RGPD4: variants seen among roughly 807,000 people sequenced by gnomAD.
The protein encoded by RGPD4 is RANBP2 like and GRIP domain containing 4.
RGPD4 carries 84 observed loss-of-function variants against 141.1 expected under a neutral mutation model. The observed-to-expected ratio is 0.60, with a 90% CI of 0.50 to 0.71. The LOEUF (loss-of-function observed/expected upper bound fraction) is 0.71. Ranked by LOEUF, RGPD4 falls within the 30% of genes least tolerant of loss-of-function variation. RGPD4 has a pLI of 0.00. For missense variants in RGPD4, 918 were observed against 1,622.4 expected, an observed-to-expected ratio of 0.57 and a Z score of 7.46; for synonymous variants, 298 against 566.8, an observed-to-expected ratio of 0.53 and a Z score of 6.74.
At chr2:107,830,128 C>T (rs1177923058) in intron 1 of RGPD4, among the ~76,000 whole-genome samples, 1 of 151,960 alleles carries the variant, frequency 6.6e-6, no homozygotes. Context: ...TCATACTCAC[C>T]TCCCTCGCCC....
At chr2:107,884,964 A>G (rs980353566) in intron 22 of RGPD4, among the ~76,000 whole-genome samples, 1 of 151,614 alleles carries the variant, frequency 6.6e-6, no homozygotes, top group African/African-American at 2.4e-5. Flanking sequence ...AGTAGTATTG[A>G]TAGTTTCTTT....
At chr2:107,889,056 C>A (rs1191757985) in intron 22 of RGPD4, among the ~76,000 whole-genome samples, 7 of 149,736 alleles carry the variant, frequency 4.7e-5, no homozygotes, top group African/African-American at 1.8e-4. Context: ...GACTTTAACT[C>A]TAGAAAGTTT....
rs540347801 is a variant in RGPD4, at chr2:107,882,766, T to A, written c.5159T>A (p.Phe1720Tyr). 85 of 1,611,518 alleles carry A rather than the reference T, an allele frequency of 5.3e-5. No individual in the cohort carries two copies. Among genetic ancestry groups the A allele is most frequent in the Non-Finnish European group, 6.7e-5 (79 of 1,179,842 alleles). ...CACTTGAAGAACGTCTTGCTGCAGT[T>A]CATTTTCTTGAAGCCAGGTAGTGAA... ...VEHLKNVLLQ[F>Y]IFLKPGSERE... Residue 1720 changes from phenylalanine to tyrosine, a missense_variant, in exon 22 of 23, where the codon TTC becomes TAC. Transcript: ENST00000408999.
intron 22 of RGPD4, among the ~76,000 whole-genome samples, chr2:107,883,854 C>G (rs1675436881): frequency 6.6e-6 from 1 of 152,138 alleles, no homozygotes; most frequent in Non-Finnish European, 1.5e-5. Flanking sequence ...GCTATAATCT[C>G]TCTTGAGTTG....
At position 107,872,799 on chromosome 2, in the gene RGPD4, C is replaced by A. The variant is rs763115909; in HGVS notation, c.4795C>A (p.Pro1599Thr). The stretch of plus-strand genomic sequence containing the variant: ...GAGTGGATCTGAAAGCAAAGTGGAA[C>A]CTAAAAAATGTGAACTGTCAAAGAA... ...AQSGSESKVE[P>T]KKCELSKNSD... The change falls in exon 20 of 23, where the codon CCT (proline) becomes ACT (threonine). Residue 1599 changes from proline (P) to threonine (T), a missense_variant. By Grantham distance (38) the Pro-to-Thr change is conservative (BLOSUM62 -1). Transcript: ENST00000408999. 3.5e-5 allele frequency: 57 copies of A among 1,610,316 alleles called. No individual in the cohort carries two copies. In the Admixed American group the frequency reaches 4.8e-4, roughly 14 times the overall value.
intron 6 of RGPD4, among the ~76,000 whole-genome samples, chr2:107,844,704 G>A (rs1681853223): frequency 2.4e-5 from 3 of 126,400 alleles, no homozygotes; most frequent in South Asian, 5.9e-4. Context: ...AAAACATGTA[G>A]GATGTTTTAT....
intron 20 of RGPD4, among the ~76,000 whole-genome samples, chr2:107,874,847 C>G (rs967023151): frequency 1.3e-5 from 2 of 151,594 alleles, no homozygotes; most frequent in African/African-American, 4.9e-5. Flanking sequence ...GAACAAGAAT[C>G]TGTATCTTAC....
At chr2:107,890,548 C>CAAA (rs1210623696) in intron 22 of RGPD4, among the ~76,000 whole-genome samples, 173 bp from the exon 23 acceptor site, 43 of 16,280 alleles carry the variant, frequency 2.6e-3, no homozygotes, top group African/African-American at 3.8e-3. Context: ...GACCCTGTCT[C>CAAA]AAAAAAAAAA....
intron 22 of RGPD4, among the ~76,000 whole-genome samples, chr2:107,889,928 T>C (rs1471143728): frequency 6.6e-6 from 1 of 151,604 alleles, no homozygotes; most frequent in Non-Finnish European, 1.5e-5. Context: ...GTGCTGGAAA[T>C]TTTATTTTGG....
chr2:107,830,882 T>C lies in RGPD4; in HGVS notation c.72+3797T>C, dbSNP rs2919217. Among the ~76,000 whole-genome samples, 319 of 132,616 alleles carry C rather than the reference T, an allele frequency of 2.4e-3. 1 individual carries two copies. The highest frequency in any genetic ancestry group is 7.2e-3 in the South Asian group (28 of 3,886). The allele number at this position is 132,616 out of a possible 152,430, so 87.0% of individuals were successfully genotyped here. On this transcript the variant is annotated intron_variant, in intron 1 of 22. Coordinates refer to ENST00000408999, the MANE Select transcript of RGPD4 (RefSeq NM_182588.3). Reference sequence around the variant, plus strand: ...CCATTGTGCTTTCATTTGTTAGTCTTCTCTTGTTTTGCCATTTTTCTACTC... The same window carrying C: ...CCATTGTGCTTTCATTTGTTAGTCTCCTCTTGTTTTGCCATTTTTCTACTC...
chr2:107,886,134 G>A (rs1172464830), intron 22 of RGPD4, among the ~76,000 whole-genome samples: 3 of 139,168 alleles, frequency 2.2e-5, no homozygotes, highest in African/African-American at 8.1e-5. Context: ...CAAAAAACAA[G>A]AGTGGGAAAA....
intron 1 of RGPD4, among the ~76,000 whole-genome samples, chr2:107,833,316 C>T (rs1681560115): frequency 6.6e-6 from 1 of 152,140 alleles, no homozygotes; most frequent in Non-Finnish European, 1.5e-5. Context: ...ATTACAATTA[C>T]ATCTCTATCT....
chr2:107,834,514 C>G (rs1218104225), intron 1 of RGPD4, among the ~76,000 whole-genome samples: 1 of 152,164 alleles, frequency 6.6e-6, no homozygotes, highest in African/African-American at 2.4e-5. Context: ...CATATTCATG[C>G]TGTATGTGCT....
chr2:107,846,815 A>T (rs1681967747), intron 6 of RGPD4, among the ~76,000 whole-genome samples: 2 of 151,688 alleles, frequency 1.3e-5, no homozygotes, highest in African/African-American at 2.4e-5. Flanking sequence ...ACAGCAAAAA[A>T]GTAGTCAGAA....
chr2:107,883,120 G>A (rs1396616078), intron 22 of RGPD4: 1 of 646,298 alleles, frequency 1.5e-6, no homozygotes, highest in Non-Finnish European at 2.8e-6. Flanking sequence ...CTAGCTCTTT[G>A]AAAATTGGAT....
chr2:107,875,934 A>ATAGTTAGGCAAC (rs1250189230), intron 20 of RGPD4, among the ~76,000 whole-genome samples: 1 of 145,394 alleles, frequency 6.9e-6, no homozygotes, highest in African/African-American at 2.6e-5. Context: ...TATGCTAAGT[A>ATAGTTAGGCAAC]TAGTTAGGCA....
At chr2:107,831,900 T>C (rs1485042099) in intron 1 of RGPD4, among the ~76,000 whole-genome samples, 6 of 135,600 alleles carry the variant, frequency 4.4e-5, no homozygotes, top group Admixed American at 2.9e-4. Flanking sequence ...CTGGCTATTA[T>C]GCTCCTCCAA....
At chr2:107,873,434 G>A (rs1969591) in intron 20 of RGPD4, among the ~76,000 whole-genome samples, 37 of 142,828 alleles carry the variant, frequency 2.6e-4, no homozygotes, top group Non-Finnish European at 3.5e-4. Context: ...TGAGCCGGGC[G>A]TGGTGGTGCG....
rs775130797 is a variant in RGPD4 at position 107,860,857 on chromosome 2, TAAAA to T, written c.1853_1856del (p.Lys618ArgfsTer19). ...AAAGTTTTGCCATTGTTGAAGATAA[TAAAA>T]AAGAAGAACAGTATTCCTGAACCTA... On this transcript the variant is annotated frameshift_variant, in exon 13 of 23. Transcript: ENST00000408999. LOFTEE classifies it high-confidence loss of function. 1 of 1,601,046 alleles carries T rather than the reference TAAAA, an allele frequency of 6.2e-7. No individual in the cohort carries two copies. Among genetic ancestry groups the T allele is most frequent in the African/African-American group, 1.4e-5 (1 of 71,494 alleles).
Sources: gnomAD v4.1 joint callset for allele counts (sites outside exome capture counted in the v4.1 genomes callset) on GRCh38, gnomAD v4.1.1 for gene constraint, MANE v1.5 for transcripts, NCBI Gene and HGNC (gene_info 2026-07-23, HGNC 2026-07-21) for gene names.